Variants in ARPC4 observed in about 807,000 individuals in gnomAD.
ARPC4 encodes the protein actin-related protein 2/3 complex subunit 4.
In ARPC4, 3 loss-of-function variants were observed where a neutral mutation model predicts 22.8. The ratio of observed to expected loss-of-function variants is 0.13; its 90% CI spans 0.06 to 0.34. The LOEUF is 0.34. ARPC4 is among the 10% of genes least tolerant of loss of function. The pLI, the probability that ARPC4 is intolerant of heterozygous loss-of-function variation, is 1.00. For missense variants in ARPC4, 98 were observed against 211.0 expected (o/e 0.46, Z 3.32); for synonymous variants, 80 against 72.5 (o/e 1.10, Z -0.52).
intron 3 of ARPC4, among the ~76,000 whole-genome samples, chr3:9,800,557 T>A (rs951726719): frequency 2.6e-5 from 4 of 152,134 alleles, no homozygotes; most frequent in African/African-American, 9.7e-5. Context: ...CCCAAGTAGC[T>A]GGGATTACAG....
At chr3:9,796,366 C>T (rs114315662) in intron 1 of ARPC4, among the ~76,000 whole-genome samples, 3,076 of 152,260 alleles carry the variant, frequency 0.02, 85 homozygotes, top group African/African-American at 0.07. Flanking sequence ...TGCACTCCAG[C>T]GAGGGTGACA....
At chr3:9,801,824 C>A in intron 4 of ARPC4, 68 bp downstream of exon 4, 4 of 1,442,724 alleles carry the variant, frequency 2.8e-6, no homozygotes, top group Non-Finnish European at 3.7e-6. Context: ...GGGATTGTTT[C>A]TAGAACCAGC....
chr3:9,804,541 A>C (rs2079071445), intron 5 of ARPC4, among the ~76,000 whole-genome samples: 1 of 152,202 alleles, frequency 6.6e-6, no homozygotes, highest in Non-Finnish European at 1.5e-5. Context: ...AAAGCACTTT[A>C]GTCATCTGAA....
intron 3 of ARPC4, 149 bp from the exon 4 acceptor site, chr3:9,801,512 A>G (rs769705543): frequency 1.0e-5 from 7 of 669,940 alleles, no homozygotes; most frequent in South Asian, 4.1e-5. Context: ...GTTGACAGCC[A>G]GGTCCCCCAC....
At chr3:9,805,810 A>G (rs1383130139) in intron 5 of ARPC4, among the ~76,000 whole-genome samples, 1 of 152,150 alleles carries the variant, frequency 6.6e-6, no homozygotes, top group African/African-American at 2.4e-5. Flanking sequence ...GCTTGACACA[A>G]AAGTACCAGA....
intron 3 of ARPC4, 64 bp downstream of exon 3, chr3:9,800,360 C>T (rs764317953): frequency 3.9e-6 from 6 of 1,524,120 alleles, no homozygotes; most frequent in Non-Finnish European, 5.4e-6. Flanking sequence ...CTCTTTCAGT[C>T]CGGGGTCCCC....
intron 4 of ARPC4, among the ~76,000 whole-genome samples, chr3:9,802,695 A>G (rs1159142734): frequency 1.0e-4 from 10 of 100,064 alleles, no homozygotes; most frequent in Non-Finnish European, 1.4e-4. Flanking sequence ...TTTTTTTGAG[A>G]TGGAGTTTTG....
chr3:9,794,263 G>T (rs1488422216), intron 1 of ARPC4, among the ~76,000 whole-genome samples: 1 of 152,178 alleles, frequency 6.6e-6, no homozygotes, highest in Non-Finnish European at 1.5e-5. Flanking sequence ...ACTTTGGGAG[G>T]CAGAGGCGGG....
intron 4 of ARPC4, 24 bp from the exon 5 acceptor site, chr3:9,803,819 C>A (rs2079060549): frequency 6.2e-7 from 1 of 1,607,814 alleles, no homozygotes; most frequent in Non-Finnish European, 8.5e-7. Flanking sequence ...TTCTCTTCCC[C>A]CTCCCTACTG....
At chr3:9,801,574 A>G in intron 3 of ARPC4, 87 bp from the exon 4 acceptor site, 2 of 1,369,878 alleles carry the variant, frequency 1.5e-6, no homozygotes, top group Non-Finnish European at 2.0e-6. Context: ...GAGCCTTGAA[A>G]AAACTGGAGT....
Position 9,793,816 on chromosome 3 carries a change from A to G in ARPC4, c.3+692A>G, listed in dbSNP as rs1007454665. Among the ~76,000 whole-genome samples, 11 of 151,884 alleles carry G rather than the reference A, an allele frequency of 7.2e-5. No homozygotes were observed. The East Asian group carries it at 2.1e-3, about 29-fold the overall frequency. On this transcript the variant is annotated intron_variant, in intron 1 of 5. Coordinates refer to ENST00000397261, the MANE Select transcript of ARPC4 (RefSeq NM_005718.5). ...CTGGGAGTTGTGACTTTGGATGACC[A>G]TCTCCCTCTTCGTCACACCTTCCCT...
intron 2 of ARPC4, among the ~76,000 whole-genome samples, chr3:9,798,766 C>T (rs1193163553): frequency 1.3e-5 from 2 of 152,156 alleles, no homozygotes; most frequent in South Asian, 2.1e-4. Flanking sequence ...CCCAGCTACT[C>T]GGGAGGCTGA....
chr3:9,796,440 G>T (rs1469010325), intron 1 of ARPC4, among the ~76,000 whole-genome samples: 2 of 152,094 alleles, frequency 1.3e-5, no homozygotes, highest in African/African-American at 4.8e-5. Flanking sequence ...TTTGTCAATT[G>T]TAATAAATAC....
At chr3:9,797,867 G>A (rs560558463) in intron 2 of ARPC4, 90 bp downstream of exon 2, 6 of 1,308,088 alleles carry the variant, frequency 4.6e-6, no homozygotes, top group South Asian at 4.1e-5. Context: ...ATGTCCTGCA[G>A]TAGTCAGGAA....
chr3:9,804,033 T>G lies in ARPC4; in HGVS notation c.501+20T>G. 6.2e-7 allele frequency: 1 copy of G among 1,611,966 alleles called. No individual in the cohort carries two copies. Among genetic ancestry groups the G allele is most frequent in the African/African-American group, 1.3e-5 (1 of 74,980 alleles). On this transcript the variant is annotated intron_variant, in intron 5 of 5. Transcript: ENST00000397261. ...AAGAATGTGAGTAGGGGCCTTTAGCTTTCCTTCCAGAGGCCAGAGGATCTG... is the reference window on the plus strand; with the variant it reads ...AAGAATGTGAGTAGGGGCCTTTAGCGTTCCTTCCAGAGGCCAGAGGATCTG...
intron 3 of ARPC4, 78 bp from the exon 4 acceptor site, chr3:9,801,583 G>C: frequency 2.1e-6 from 3 of 1,428,682 alleles, no homozygotes; most frequent in Non-Finnish European, 2.8e-6. Context: ...AAAAACTGGA[G>C]TCAGAAGACC....
chr3:9,793,815 C>T (rs2078814501), intron 1 of ARPC4, among the ~76,000 whole-genome samples: 1 of 152,110 alleles, frequency 6.6e-6, no homozygotes, highest in South Asian at 2.1e-4. Flanking sequence ...TTTGGATGAC[C>T]ATCTCCCTCT....
upstream of ARPC4, chr3:9,792,710 G>A (rs1349765500): frequency 8.1e-7 from 1 of 1,234,420 alleles, no homozygotes; most frequent in African/African-American, 1.5e-5. Flanking sequence ...CTGCGGGTAG[G>A]AGGGGCGAGA....
rs1323044096 is a variant in ARPC4, at chr3:9,806,982, C to G, written c.*767C>G. ...GGTGAGTCCTCCAGAGCTTCCTGGC[C>G]GGGCCCTCCTCCTGCCTGTTCTGGC... On this transcript the variant is annotated 3_prime_UTR_variant, in exon 6 of 6. Coordinates refer to ENST00000397261, the MANE Select transcript of ARPC4 (RefSeq NM_005718.5). The G allele has an allele frequency of 1.3e-5, 2 of 152,578 alleles. No homozygotes were observed. The highest frequency in any genetic ancestry group is 2.9e-5 in the Non-Finnish European group (2 of 68,338). 9.5% of individuals were successfully genotyped at this position (152,578 alleles called of 1,614,324 possible).
Sources: allele counts gnomAD v4.1 joint callset (sites outside exome capture counted in the v4.1 genomes callset), GRCh38; gene constraint gnomAD v4.1.1; transcripts MANE v1.5; gene names NCBI Gene and HGNC (gene_info 2026-07-23, HGNC 2026-07-21).